SP110: variants seen among roughly 807,000 people sequenced by gnomAD.
SP110 encodes interferon-induced protein 41, 30kD.
A neutral mutation model predicts 92.7 loss-of-function variants in SP110; 62 were observed. The observed-to-expected ratio is 0.67, with a 90% CI of 0.55 to 0.83. The LOEUF is 0.83. Ranked by LOEUF, SP110 falls within the 40% of genes least tolerant of loss-of-function variation. SP110 has a pLI of 0.00. For synonymous variants in SP110, 273 were observed against 305.3 expected, an observed-to-expected ratio of 0.89 and a Z score of 1.10; for missense variants, 793 against 863.9, an observed-to-expected ratio of 0.92 and a Z score of 1.03.
At chr2:230,190,155 T>C (rs576002551) in intron 10 of SP110, among the ~76,000 whole-genome samples, 1 of 152,332 alleles carries the variant, frequency 6.6e-6, no homozygotes, top group East Asian at 1.9e-4. Context: ...GTTGAACTAA[T>C]TTACACTCCC....
At chr2:230,196,309 T>C (rs2042867418) in intron 10 of SP110, among the ~76,000 whole-genome samples, 1 of 152,100 alleles carries the variant, frequency 6.6e-6, no homozygotes, top group Non-Finnish European at 1.5e-5. Flanking sequence ...TGTCCACTAG[T>C]AGGTGATTAT....
chr2:230,168,137 A>G lies in SP110; in HGVS notation c.*987T>C, dbSNP rs567897290. The G allele has an allele frequency of 6.7e-6, 1 of 148,796 alleles. No individual in the cohort carries two copies. Among genetic ancestry groups the G allele is most frequent in the South Asian group, 2.2e-4 (1 of 4,636 alleles). 9.2% of individuals were successfully genotyped at this position (148,796 alleles called of 1,614,324 possible). ...AAAAAAAAAAAAAAAAAAAAAAGAAAAAGTGGGCAACTCAAGCATCAATAA... is the reference window on the plus strand; with the variant it reads ...AAAAAAAAAAAAAAAAAAAAAAGAAGAAGTGGGCAACTCAAGCATCAATAA... On this transcript the variant is annotated 3_prime_UTR_variant, in exon 19 of 19. Coordinates refer to ENST00000258381, the MANE Select transcript of SP110 (RefSeq NM_080424.4).
chr2:230,216,669 T>C (rs7580900), intron 2 of SP110, 112 bp downstream of exon 2: 611,177 of 1,296,760 alleles, frequency 0.47, 145,918 homozygotes, highest in African/African-American at 0.61. Flanking sequence ...TGAACATGCC[T>C]GGGCTGGGCC....
intron 10 of SP110, among the ~76,000 whole-genome samples, chr2:230,197,022 T>C (rs1385647460): frequency 1.3e-5 from 2 of 152,216 alleles, no homozygotes; most frequent in Non-Finnish European, 2.9e-5. Context: ...TGTGTCTTTA[T>C]AGCAGCATGA....
intron 7 of SP110, among the ~76,000 whole-genome samples, 170 bp from the exon 8 acceptor site, chr2:230,208,229 GACA>G: frequency 6.6e-6 from 1 of 152,172 alleles, no homozygotes; most frequent in Admixed American, 6.6e-5. Flanking sequence ...ACTCTAAAAT[GACA>G]GAGGAAAAGG....
intron 10 of SP110, among the ~76,000 whole-genome samples, chr2:230,188,950 G>C (rs1012135284): frequency 6.6e-6 from 1 of 151,990 alleles, no homozygotes; most frequent in African/African-American, 2.4e-5. Flanking sequence ...TATGTCTCCA[G>C]GAATTTATTT....
At chr2:230,184,775 T>A (rs904330845) in intron 11 of SP110, among the ~76,000 whole-genome samples, 2 of 152,036 alleles carry the variant, frequency 1.3e-5, no homozygotes, top group Non-Finnish European at 2.9e-5. Flanking sequence ...AAAATTCCAA[T>A]GTCAAATTTA....
In SP110 at chr2:230,215,128, T is replaced by A; in HGVS notation, c.148-10A>T. ...AGGCTTCCAGAGATTCCTATAAAAA[T>A]GGAGTGAAGGTTTTTATAAATGACT... On this transcript the variant is annotated splice_polypyrimidine_tract_variant and intron_variant, in intron 2 of 18. Transcript: ENST00000258381. The A allele has an allele frequency of 6.2e-7, 1 of 1,609,284 alleles. No individual in the cohort carries two copies. Among genetic ancestry groups the A allele is most frequent in the South Asian group, 1.1e-5 (1 of 90,916 alleles).
Position 230,177,640 on chromosome 2 carries a change from C to T in SP110, c.1488G>A (p.Trp496Ter). ...VKCIRNEDGT[W>*]LTPNEFEVEG... ...CGACTTCAAATTCATTTGGTGTTAA[C>T]CAAGTTCCATCCTCATTCCGAATGC... Residue 496 changes from tryptophan (W) to a stop codon, truncating the protein, a stop_gained, in exon 14 of 19, where the codon TGG (tryptophan) becomes TGA (stop). Coordinates refer to ENST00000258381, the MANE Select transcript of SP110 (RefSeq NM_080424.4). LOFTEE classifies it high-confidence loss of function. The T allele has an allele frequency of 6.2e-7, 1 of 1,614,142 alleles. No individual in the cohort carries two copies. Among genetic ancestry groups the T allele is most frequent in the East Asian group, 2.2e-5 (1 of 44,888 alleles).
chr2:230,182,741 A>C (rs1285452208), intron 12 of SP110, among the ~76,000 whole-genome samples: 1 of 152,060 alleles, frequency 6.6e-6, no homozygotes, highest in Non-Finnish European at 1.5e-5. Context: ...GTGTGTGTGA[A>C]TCCATCAAGC....
chr2:230,172,262 G>A lies in SP110; in HGVS notation c.1707-88C>T. 5.7e-6 allele frequency: 5 copies of A among 879,542 alleles called. No homozygotes were observed. In the East Asian group the frequency reaches 7.2e-5, roughly 13 times the overall value. The allele number at this position is 879,542 out of a possible 1,614,324, so 54.5% of individuals were successfully genotyped here. ...GGCTGCCACTGTCTTCCCTCAGGAA[G>A]GATGGGCTCAGCCATGAGGGTGGGA... On this transcript the variant is annotated intron_variant, in intron 15 of 18. Coordinates refer to ENST00000258381, the MANE Select transcript of SP110 (RefSeq NM_080424.4).
At chr2:230,171,789 T>G (rs1366389681) in intron 16 of SP110, 22 bp from the exon 17 acceptor site, 1 of 1,572,906 alleles carries the variant, frequency 6.4e-7, no homozygotes, top group Non-Finnish European at 8.8e-7. Context: ...GAAGAGGGCT[T>G]GAAAGTGAAA....
At chr2:230,195,688 A>G (rs1404016524) in intron 10 of SP110, among the ~76,000 whole-genome samples, 1 of 152,136 alleles carries the variant, frequency 6.6e-6, no homozygotes, top group Non-Finnish European at 1.5e-5. Context: ...TAAACCATGG[A>G]TATTAAAAGG....
At chr2:230,182,943 G>C (rs10755049) in intron 12 of SP110, among the ~76,000 whole-genome samples, 119,991 of 151,666 alleles carry the variant, frequency 0.79, 47,560 homozygotes, top group Admixed American at 0.84. Context: ...GACCTGCCAA[G>C]CAGCATGCTT....
At chr2:230,202,786 C>T in intron 8 of SP110, 58 bp from the exon 9 acceptor site, 1 of 1,525,638 alleles carries the variant, frequency 6.6e-7, no homozygotes, top group Admixed American at 1.7e-5. Flanking sequence ...GAGCCTCCTA[C>T]AGTCCCAATC....
At chr2:230,201,916 T>C (rs1424312745) in intron 9 of SP110, among the ~76,000 whole-genome samples, 1 of 152,190 alleles carries the variant, frequency 6.6e-6, no homozygotes, top group Non-Finnish European at 1.5e-5. Context: ...TCCACAGATA[T>C]CTCAAAAGAC....
rs771030140 is a variant in SP110 at position 230,177,645 on chromosome 2, T to G, written c.1483A>C (p.Thr495Pro). The G allele has an allele frequency of 6.2e-7, 1 of 1,614,076 alleles. No homozygotes were observed. ...SVKCIRNEDG[T>P]WLTPNEFEVE... ...TCAAATTCATTTGGTGTTAACCAAGTTCCATCCTCATTCCGAATGCACTTC... is the reference window on the plus strand; with the variant it reads ...TCAAATTCATTTGGTGTTAACCAAGGTCCATCCTCATTCCGAATGCACTTC... The change falls in exon 14 of 19, where the codon ACT becomes CCT. Residue 495 changes from threonine (T) to proline (P), a missense_variant. Transcript: ENST00000258381.
At chr2:230,224,453 G>C (rs2046084871), upstream of SP110, among the ~76,000 whole-genome samples, 1 of 146,492 alleles carries the variant, frequency 6.8e-6, no homozygotes, top group Non-Finnish European at 1.5e-5. Context: ...GGGAGAGAGA[G>C]GGAGAGGGAG....
At chr2:230,203,054 G>A (rs1462785012) in intron 8 of SP110, 2 of 383,164 alleles carry the variant, frequency 5.2e-6, no homozygotes, top group Admixed American at 3.9e-5. Flanking sequence ...ACACAGTCTC[G>A]TCTAGGTGGA....
Sources: gnomAD v4.1 joint callset for allele counts (sites outside exome capture counted in the v4.1 genomes callset) on GRCh38, gnomAD v4.1.1 for gene constraint, MANE v1.5 for transcripts, NCBI Gene and HGNC (gene_info 2026-07-23, HGNC 2026-07-21) for gene names.